KIAA0319: variants seen among roughly 807,000 people sequenced by gnomAD.
KIAA0319 encodes the protein KIAA0319.
A neutral mutation model predicts 108.4 loss-of-function variants in KIAA0319; 83 were observed. The ratio of observed to expected loss-of-function variants is 0.77; its 90% CI spans 0.64 to 0.92. KIAA0319 has a LOEUF of 0.92. KIAA0319 is among the 40% of genes least tolerant of loss of function. KIAA0319 has a pLI of 0.00. For missense variants in KIAA0319, 1,195 were observed against 1,322.4 expected (o/e 0.90, Z 1.49); for synonymous variants, 484 against 510.4 (o/e 0.95, Z 0.70).
chr6:24,562,297 T>C (rs1295657348), intron 16 of KIAA0319, among the ~76,000 whole-genome samples: 1 of 152,242 alleles, frequency 6.6e-6, no homozygotes, highest in Non-Finnish European at 1.5e-5. Flanking sequence ...TTCAGACATG[T>C]CTTTGATTCA....
At chr6:24,639,796 G>A (rs925262443) in intron 1 of KIAA0319, among the ~76,000 whole-genome samples, 14 of 149,006 alleles carry the variant, frequency 9.4e-5, no homozygotes, top group Non-Finnish European at 1.9e-4. Context: ...GCAGTGAGCC[G>A]AGACCACACC....
intron 1 of KIAA0319, among the ~76,000 whole-genome samples, chr6:24,617,100 TA>T (rs1311727912): frequency 6.6e-6 from 1 of 152,092 alleles, no homozygotes; most frequent in African/African-American, 2.4e-5. Context: ...TTTAATATCA[TA>T]AAAGTAGGAA....
intron 10 of KIAA0319, among the ~76,000 whole-genome samples, chr6:24,575,905 T>C (rs1765423552): frequency 6.6e-6 from 1 of 152,012 alleles, no homozygotes; most frequent in Admixed American, 6.6e-5. Flanking sequence ...GTTAGACAAA[T>C]ATATTTAAAA....
chr6:24,628,328 G>GT (rs56301807), intron 1 of KIAA0319, among the ~76,000 whole-genome samples: 46,050 of 151,816 alleles, frequency 0.3, 7,362 homozygotes, highest in Non-Finnish European at 0.37. Flanking sequence ...ATGTTTTTCT[G>GT]TTTTCTAGCC....
At chr6:24,542,262 C>G (rs181098194), downstream of KIAA0319, among the ~76,000 whole-genome samples, 1,001 of 152,372 alleles carry the variant, frequency 6.6e-3, 6 homozygotes, top group Non-Finnish European at 0.011. Flanking sequence ...ACAACTCTTA[C>G]AGGATTGAAG....
intron 2 of KIAA0319, chr6:24,600,597 C>A: frequency 7.8e-7 from 1 of 1,278,310 alleles, no homozygotes; most frequent in Non-Finnish European, 1.1e-6. Flanking sequence ...ATATCACCAC[C>A]CTCAATCCTT....
chr6:24,640,055 T>C (rs1776723264), intron 1 of KIAA0319, among the ~76,000 whole-genome samples: 1 of 145,634 alleles, frequency 6.9e-6, no homozygotes, highest in Non-Finnish European at 1.5e-5. Flanking sequence ...ATTTAGATTT[T>C]TGTGAGGAGA....
At position 24,601,038 on chromosome 6, in the gene KIAA0319, T is replaced by C; in HGVS notation, c.55+11A>G. 1 of 1,613,894 alleles carries C rather than the reference T, an allele frequency of 6.2e-7. No individual in the cohort carries two copies. The highest frequency in any genetic ancestry group is 8.5e-7 in the Non-Finnish European group (1 of 1,179,920). On this transcript the variant is annotated intron_variant, in intron 2 of 20. Transcript: ENST00000378214. Reference sequence around the variant, plus strand: ...TCCAACACGGGTATCTCCAGGGTAGTAGTTCCCTACCTGCAATTGTCACCA... The same window carrying C: ...TCCAACACGGGTATCTCCAGGGTAGCAGTTCCCTACCTGCAATTGTCACCA...
intron 11 of KIAA0319, among the ~76,000 whole-genome samples, chr6:24,571,746 T>C (rs1764759020): frequency 6.6e-6 from 1 of 152,242 alleles, no homozygotes; most frequent in Admixed American, 6.5e-5. Flanking sequence ...CTTCCTCTTC[T>C]CCTGTGCTGC....
At chr6:24,598,642 G>A (rs113535981) in intron 2 of KIAA0319, 3 of 300,636 alleles carry the variant, frequency 1.0e-5, no homozygotes, top group African/African-American at 4.4e-5. Flanking sequence ...TTGGGAGGCC[G>A]AGGTGGGTGG....
At chr6:24,558,733 C>G (rs1173251282) in intron 17 of KIAA0319, among the ~76,000 whole-genome samples, 1 of 152,184 alleles carries the variant, frequency 6.6e-6, no homozygotes. Context: ...GCCAGTAACA[C>G]TTATTTGTCT....
At chr6:24,558,528 A>G (rs2760166) in intron 17 of KIAA0319, among the ~76,000 whole-genome samples, 44,808 of 152,044 alleles carry the variant, frequency 0.29, 7,954 homozygotes, top group African/African-American at 0.5. Context: ...CTCATGAAAT[A>G]AAGATAGAAA....
rs4504469 is a variant in KIAA0319 at position 24,588,656 on chromosome 6, C to G, written c.931G>C (p.Ala311Pro). Residue 311 changes from alanine (A) to proline (P), a missense_variant, in exon 4 of 21, where the codon GCA becomes CCA. Physicochemically the swap from Ala to Pro is conservative, Grantham distance 27 (BLOSUM62 -1). Coordinates refer to ENST00000378214, the MANE Select transcript of KIAA0319 (RefSeq NM_014809.4). The part of the protein sequence containing the change: ...EHSIPTPPTS[A>P]APSESTPSEL... Reference sequence around the variant, plus strand: ...GATGGGGTGGACTCAGAGGGGGCTGCGCTAGTGGGAGGTGTTGGGATGCTG... The same window carrying G: ...GATGGGGTGGACTCAGAGGGGGCTGGGCTAGTGGGAGGTGTTGGGATGCTG... 1.9e-5 allele frequency: 30 copies of G among 1,613,612 alleles called. No individual in the cohort carries two copies. Among genetic ancestry groups the G allele is most frequent in the Non-Finnish European group, 2.5e-5 (30 of 1,179,832 alleles).
At chr6:24,553,656 G>A (rs939032248) in intron 19 of KIAA0319, among the ~76,000 whole-genome samples, 1 of 152,198 alleles carries the variant, frequency 6.6e-6, no homozygotes, top group Non-Finnish European at 1.5e-5. Context: ...CAGAGAGGCT[G>A]AGAAGAATCT....
In KIAA0319 at chr6:24,588,789, C is replaced by T. The variant is rs371496617; in HGVS notation, c.802-4G>A. 99 of 1,609,190 alleles carry T rather than the reference C, an allele frequency of 6.2e-5. No individual in the cohort carries two copies. The Admixed American group carries it at 7.3e-4, about 12-fold the overall frequency. ...GACTATGGGAAGGCATTAGAACCTA[C>T]GAGATCAATTACAAGGATAAATTGT... On this transcript the variant is annotated splice_region_variant and splice_polypyrimidine_tract_variant and intron_variant, in intron 3 of 20. Transcript: ENST00000378214.
At chr6:24,571,434 A>G (rs547213724) in intron 11 of KIAA0319, among the ~76,000 whole-genome samples, 91 of 151,626 alleles carry the variant, frequency 6.0e-4, no homozygotes, top group Non-Finnish European at 1.2e-3. Context: ...CCATTACCCA[A>G]TGTTTGCACC....
At chr6:24,553,296 C>CAT (rs1362160970) in intron 19 of KIAA0319, among the ~76,000 whole-genome samples, 7 of 36,352 alleles carry the variant, frequency 1.9e-4, no homozygotes, top group African/African-American at 6.3e-4. Context: ...TATATATATA[C>CAT]ACACACACAC....
chr6:24,630,619 C>G (rs2127585807), intron 1 of KIAA0319, among the ~76,000 whole-genome samples: 1 of 149,310 alleles, frequency 6.7e-6, no homozygotes, highest in East Asian at 2.0e-4. Context: ...ATAAATCGTG[C>G]CAACAAATGG....
At chr6:24,577,122 T>C (rs1360016641) in intron 9 of KIAA0319, among the ~76,000 whole-genome samples, 2 of 152,236 alleles carry the variant, frequency 1.3e-5, no homozygotes, top group African/African-American at 4.8e-5. Context: ...TTTTTAGTTT[T>C]AGTTCATAAC....
Sources: gnomAD v4.1 joint callset for allele counts (sites outside exome capture counted in the v4.1 genomes callset) on GRCh38, gnomAD v4.1.1 for gene constraint, MANE v1.5 for transcripts, NCBI Gene and HGNC (gene_info 2026-07-23, HGNC 2026-07-21) for gene names.